Variants in AUTS2 observed in about 807,000 individuals in gnomAD.
AUTS2 encodes the protein activator of transcription and developmental regulator AUTS2.
A neutral mutation model predicts 112.4 loss-of-function variants in AUTS2; 17 were observed. That is an observed-to-expected ratio of 0.15 (90% CI 0.10 to 0.23). The LOEUF is 0.23. AUTS2 is among the 10% of genes least tolerant of loss of function. The pLI is 1.00. For synonymous variants in AUTS2, 751 were observed against 702.7 expected (o/e 1.07, Z -1.09); for missense variants, 1,510 against 1,701.6 (o/e 0.89, Z 1.98).
intron 4 of AUTS2, among the ~76,000 whole-genome samples, chr7:70,216,057 C>T (rs1811149786): frequency 6.6e-6 from 1 of 152,216 alleles, no homozygotes; most frequent in South Asian, 2.1e-4. Context: ...CTTTCTTTAG[C>T]ACTTCTATCC....
intron 1 of AUTS2, among the ~76,000 whole-genome samples, chr7:69,724,422 A>G (rs1183977688): frequency 7.9e-5 from 12 of 152,186 alleles, no homozygotes; most frequent in Admixed American, 6.6e-4. Flanking sequence ...TGGACTTTTT[A>G]GGGAGTTGTC....
At chr7:70,084,136 A>G (rs144315384) in intron 2 of AUTS2, among the ~76,000 whole-genome samples, 1 of 152,184 alleles carries the variant, frequency 6.6e-6, no homozygotes, top group East Asian at 1.9e-4. Context: ...AGTTGTATAC[A>G]TTTTTCTAGA....
intron 4 of AUTS2, among the ~76,000 whole-genome samples, chr7:70,175,496 A>G (rs1808938872): frequency 6.6e-6 from 1 of 152,202 alleles, no homozygotes; most frequent in South Asian, 2.1e-4. Context: ...GTAATATGCT[A>G]TCAAACAGCT....
At chr7:70,154,246 C>T (rs1367661467) in intron 4 of AUTS2, among the ~76,000 whole-genome samples, 4 of 152,170 alleles carry the variant, frequency 2.6e-5, no homozygotes. Flanking sequence ...AAGTGTCCAT[C>T]AGACAAGCAA....
intron 5 of AUTS2, among the ~76,000 whole-genome samples, chr7:70,464,024 C>T (rs1423318846): frequency 6.6e-6 from 1 of 152,140 alleles, no homozygotes; most frequent in African/African-American, 2.4e-5. Context: ...ATGCCACCAG[C>T]CTCTTCCCAA....
intron 5 of AUTS2, among the ~76,000 whole-genome samples, chr7:70,561,912 C>T (rs949025571): frequency 7.2e-5 from 11 of 151,980 alleles, no homozygotes; most frequent in Admixed American, 3.9e-4. Context: ...TCGAGGTGGG[C>T]GCTGGGAGGT....
chr7:69,997,649 A>G lies in AUTS2; in HGVS notation c.522+98151A>G, dbSNP rs528170749. 1.1e-4 allele frequency among the ~76,000 whole-genome samples: 16 copies of G among 152,284 alleles called. No homozygotes were observed. In the East Asian group the frequency reaches 3.1e-3, roughly 29 times the overall value. On this transcript the variant is annotated intron_variant, in intron 2 of 18. Transcript: ENST00000342771. ...GGGATCCAATGTGTCAGAAGGAGCA[A>G]GAGAGATGCCAGGCTCTTTTAAACA...
intron 2 of AUTS2, among the ~76,000 whole-genome samples, chr7:70,089,114 A>G (rs1202518976): frequency 6.6e-6 from 1 of 152,214 alleles, no homozygotes; most frequent in African/African-American, 2.4e-5. Flanking sequence ...TATGCATAAT[A>G]GTATTTTTTA....
intron 5 of AUTS2, among the ~76,000 whole-genome samples, chr7:70,538,513 G>A (rs1291878585): frequency 6.6e-6 from 1 of 152,150 alleles, no homozygotes; most frequent in Non-Finnish European, 1.5e-5. Context: ...CTGGGCAACA[G>A]AGCAAGACTC....
At chr7:70,111,314 G>A (rs1176328551) in intron 2 of AUTS2, among the ~76,000 whole-genome samples, 2 of 152,138 alleles carry the variant, frequency 1.3e-5, no homozygotes, top group Non-Finnish European at 1.5e-5. Context: ...CTGTAAGCCT[G>A]ACCTAATCAA....
intron 1 of AUTS2, among the ~76,000 whole-genome samples, chr7:69,703,333 A>G (rs546867207): frequency 2.6e-5 from 4 of 152,168 alleles, no homozygotes; most frequent in Non-Finnish European, 5.9e-5. Flanking sequence ...GTAGTATAAA[A>G]ATTGGCAGAG....
At chr7:69,713,274 C>T (rs117848605) in intron 1 of AUTS2, among the ~76,000 whole-genome samples, 2,591 of 152,204 alleles carry the variant, frequency 0.017, 41 homozygotes, top group South Asian at 0.038. Context: ...CTACAATATA[C>T]AACCCATCTT....
rs761021037 is a variant in AUTS2 at position 70,766,363 on chromosome 7, T to G, written c.1689+29T>G. ...CGTACCCCAGGCAGAAATGTGAGGA[T>G]AAGTAGAGCACGACTCTTTTCTTTA... On this transcript the variant is annotated intron_variant, in intron 9 of 18. Transcript: ENST00000342771. The surrounding 1 kb of genome is among the most constrained non-coding windows in gnomAD (Gnocchi z 4.8). 3 of 1,612,186 alleles carry G rather than the reference T, an allele frequency of 1.9e-6. No homozygotes were observed. The highest frequency in any genetic ancestry group is 2.5e-6 in the Non-Finnish European group (3 of 1,178,882).
chr7:70,647,432 G>C (rs1237086940), intron 5 of AUTS2, among the ~76,000 whole-genome samples: 2 of 152,234 alleles, frequency 1.3e-5, no homozygotes. Context: ...TTTGTAGCCT[G>C]AGTCCCTGTG....
chr7:70,489,111 T>C (rs1489305337), intron 5 of AUTS2, among the ~76,000 whole-genome samples: 1 of 152,140 alleles, frequency 6.6e-6, no homozygotes, highest in African/African-American at 2.4e-5. Context: ...AAAACACAGA[T>C]ACATTGAGAC....
chr7:70,784,757 A>C lies in AUTS2; in HGVS notation c.2147-185A>C, dbSNP rs950702110. The C allele has an allele frequency of 1.4e-5, 6 of 433,280 alleles. 1 individual carries two copies. Among genetic ancestry groups the C allele is most frequent in the Admixed American group, 7.8e-5 (2 of 25,622 alleles). 26.8% of individuals were successfully genotyped at this position (433,280 alleles called of 1,614,324 possible). ...TTCTGCTTCCTAAAAAAAAAAAAAA[A>C]AAAAAAAAAAAAAAAACACACATTT... On this transcript the variant is annotated intron_variant, in intron 15 of 18. Transcript: ENST00000342771.
At chr7:70,046,059 T>G (rs903532960) in intron 2 of AUTS2, among the ~76,000 whole-genome samples, 2 of 152,204 alleles carry the variant, frequency 1.3e-5, no homozygotes, top group African/African-American at 4.8e-5. Context: ...CCTGATAAAA[T>G]ATTAATAACC....
intron 4 of AUTS2, among the ~76,000 whole-genome samples, chr7:70,382,361 A>G (rs1484767324): frequency 6.6e-6 from 1 of 152,150 alleles, no homozygotes; most frequent in Non-Finnish European, 1.5e-5. Flanking sequence ...GATGTGTCCT[A>G]CACATCACTG....
chr7:70,115,008 T>G (rs1805285694), intron 2 of AUTS2, among the ~76,000 whole-genome samples: 1 of 152,176 alleles, frequency 6.6e-6, no homozygotes, highest in African/African-American at 2.4e-5. Flanking sequence ...GTGGATTTTA[T>G]GTAAGGCTCT....
Sources: allele counts gnomAD v4.1 joint callset (sites outside exome capture counted in the v4.1 genomes callset), GRCh38; gene constraint gnomAD v4.1.1; non-coding constraint Gnocchi (gnomAD v3.1); transcripts MANE v1.5; gene names NCBI Gene and HGNC (gene_info 2026-07-23, HGNC 2026-07-21).